ZNF106: variants seen among roughly 807,000 people sequenced by gnomAD.
ZNF106 encodes the protein SH3-domain binding protein 3.
ZNF106 carries 67 observed loss-of-function variants against 195.1 expected under a neutral mutation model. The ratio of observed to expected loss-of-function variants is 0.34; its 90% CI spans 0.28 to 0.42. The LOEUF (loss-of-function observed/expected upper bound fraction) is 0.42. Ranked by LOEUF, ZNF106 falls within the 10% of genes least tolerant of loss-of-function variation. The pLI is 1.00. For missense variants in ZNF106, 2,118 were observed against 2,304.5 expected (o/e 0.92, Z 1.66); for synonymous variants, 784 against 818.6 (o/e 0.96, Z 0.72).
chr15:42,447,866 T>G (rs577697594), intron 6 of ZNF106, among the ~76,000 whole-genome samples: 4 of 152,358 alleles, frequency 2.6e-5, no homozygotes, highest in South Asian at 2.1e-4. Flanking sequence ...TTCCTGGTAC[T>G]GTACATTCAT....
chr15:42,482,149 T>C (rs1000809868), intron 1 of ZNF106, among the ~76,000 whole-genome samples: 2 of 152,222 alleles, frequency 1.3e-5, no homozygotes, highest in Admixed American at 1.3e-4. Flanking sequence ...CTAGAATGTC[T>C]ATTTAGTTAT....
intron 3 of ZNF106, among the ~76,000 whole-genome samples, chr15:42,464,272 G>C (rs1009683300): frequency 8.1e-5 from 12 of 148,794 alleles, no homozygotes; most frequent in African/African-American, 2.9e-4. Flanking sequence ...CCCGGGAGGC[G>C]GAGGTTGCAG....
Position 42,482,268 on chromosome 15 carries a change from C to T in ZNF106, c.-33+8712G>A, listed in dbSNP as rs189077269. On this transcript the variant is annotated intron_variant, in intron 1 of 21. Transcript: ENST00000564754. The stretch of plus-strand genomic sequence containing the variant: ...TAAAATCATTTCCTGCTAATCCCAA[C>T]GTTTAAGCATTTTAAGGTCACTCTC... Among the ~76,000 whole-genome samples the T allele has an allele frequency of 1.1e-3, 166 of 152,174 alleles. 2 individuals are homozygous for T. Among genetic ancestry groups the T allele is most frequent in the South Asian group, 2.3e-3 (11 of 4,832 alleles).
rs1459440894 is a variant in ZNF106, at chr15:42,413,700, C to T, written c.*3604G>A. 6.6e-6 allele frequency: 1 copy of T among 152,564 alleles called. No homozygotes were observed. The highest frequency in any genetic ancestry group is 1.5e-5 in the Non-Finnish European group (1 of 68,030). 9.5% of individuals were successfully genotyped at this position (152,564 alleles called of 1,614,324 possible). On this transcript the variant is annotated 3_prime_UTR_variant, in exon 22 of 22. Transcript: ENST00000564754. ...CACTTAAACAGTAATAATATTGCCT[C>T]TAAATTAAAGGTAAGTCAGGAGCTG...
At position 42,415,050 on chromosome 15, in the gene ZNF106, G is replaced by A. The variant is rs1166389615; in HGVS notation, c.*2254C>T. The A allele has an allele frequency of 6.5e-6, 1 of 153,550 alleles. No individual in the cohort carries two copies. The highest frequency in any genetic ancestry group is 1.4e-5 in the Non-Finnish European group (1 of 69,162). The allele number at this position is 153,550 out of a possible 1,614,324, so 9.5% of individuals were successfully genotyped here. ...TGGTTAACAAAATGGCTTTCCCCAAGGACAGAAGTCAAGAGCTTGTGGGGC... is the reference window on the plus strand; with the variant it reads ...TGGTTAACAAAATGGCTTTCCCCAAAGACAGAAGTCAAGAGCTTGTGGGGC... On this transcript the variant is annotated 3_prime_UTR_variant, in exon 22 of 22. Transcript: ENST00000564754.
chr15:42,426,465 T>C (rs1220346881), intron 15 of ZNF106, among the ~76,000 whole-genome samples: 2 of 151,698 alleles, frequency 1.3e-5, no homozygotes, highest in East Asian at 1.9e-4. Flanking sequence ...AATGGTGTGA[T>C]TATAGCTCAC....
At chr15:42,460,540 G>A (rs1261823914) in intron 3 of ZNF106, among the ~76,000 whole-genome samples, 2 of 152,160 alleles carry the variant, frequency 1.3e-5, no homozygotes, top group Non-Finnish European at 2.9e-5. Context: ...CAGAGACCCT[G>A]CCCAGAAGGG....
At chr15:42,417,707 C>G in intron 21 of ZNF106, 98 bp downstream of exon 21, 1 of 1,372,532 alleles carries the variant, frequency 7.3e-7, no homozygotes, top group Non-Finnish European at 9.7e-7. Context: ...CTAGGCCCTC[C>G]CTATATATGG....
intron 6 of ZNF106, 124 bp from the exon 7 acceptor site, chr15:42,446,782 G>T: frequency 1.2e-6 from 1 of 818,138 alleles, no homozygotes; most frequent in Non-Finnish European, 1.9e-6. Flanking sequence ...TCTCTAACAT[G>T]ATCGTAGAAG....
intron 1 of ZNF106, among the ~76,000 whole-genome samples, chr15:42,480,284 C>T (rs959081502): frequency 6.6e-6 from 1 of 152,226 alleles, no homozygotes; most frequent in East Asian, 1.9e-4. Context: ...CATGAACTGA[C>T]CTTTTATTGT....
At chr15:42,479,908 G>A (rs1025912917) in intron 1 of ZNF106, among the ~76,000 whole-genome samples, 1 of 152,158 alleles carries the variant, frequency 6.6e-6, no homozygotes. Flanking sequence ...GGAGTGCCAT[G>A]ACACAAACAT....
At chr15:42,420,073 T>C (rs564836712) in intron 20 of ZNF106, among the ~76,000 whole-genome samples, 2 of 152,374 alleles carry the variant, frequency 1.3e-5, no homozygotes, top group African/African-American at 4.8e-5. Flanking sequence ...ATTAACTCTA[T>C]TTGTGTACTC....
chr15:42,418,756 C>T (rs1449737734), intron 20 of ZNF106, among the ~76,000 whole-genome samples: 1 of 151,994 alleles, frequency 6.6e-6, no homozygotes, highest in African/African-American at 2.4e-5. Flanking sequence ...AAGAAAACTA[C>T]ATTTGTGGAA....
Position 42,450,462 on chromosome 15 carries a change from A to G in ZNF106, c.1810T>C (p.Phe604Leu), listed in dbSNP as rs755322795. The change falls in exon 5 of 22, where the codon TTT (phenylalanine) becomes CTT (leucine). Residue 604 changes from phenylalanine (F) to leucine (L), a missense_variant. By Grantham distance (22) the Phe-to-Leu change is conservative. Coordinates refer to ENST00000564754, the MANE Select transcript of ZNF106 (RefSeq NM_001366845.3). ...TCATCTTCTAGTGCGTGCACTTGAA[A>G]CTCAATTTTCAAAGACCCTTTTTCA... ...ESEKGSLKIEFQVHALEDESD... is the reference protein window; with the variant it reads ...ESEKGSLKIELQVHALEDESD... The G allele has an allele frequency of 1.9e-6, 3 of 1,614,092 alleles. No homozygotes were observed. The South Asian group carries it at 3.3e-5, about 18-fold the overall frequency.
intron 1 of ZNF106, among the ~76,000 whole-genome samples, chr15:42,483,142 G>A (rs1157770913): frequency 6.6e-6 from 1 of 151,946 alleles, no homozygotes; most frequent in African/African-American, 2.4e-5. Flanking sequence ...TCCCATTCTT[G>A]TGTTAACTCC....
chr15:42,466,540 C>T (rs2617235), intron 2 of ZNF106, among the ~76,000 whole-genome samples: 95,543 of 152,064 alleles, frequency 0.63, 32,593 homozygotes, highest in East Asian at 0.81. Context: ...TCTTACTTTA[C>T]CCATGTCTTG....
At chr15:42,461,209 GT>G (rs2056385245) in intron 3 of ZNF106, among the ~76,000 whole-genome samples, 1 of 152,278 alleles carries the variant, frequency 6.6e-6, no homozygotes, top group East Asian at 1.9e-4. Flanking sequence ...GGGAAACCAT[GT>G]TTTAAAAGCC....
Position 42,428,106 on chromosome 15 carries a change from A to G in ZNF106, c.4910T>C (p.Leu1637Pro). 6.2e-7 allele frequency: 1 copy of G among 1,614,108 alleles called. No homozygotes were observed. The highest frequency in any genetic ancestry group is 8.5e-7 in the Non-Finnish European group (1 of 1,179,976). ...GTGGAGGCAGAGGACCCGGTCTTCC[A>G]GCTGTAACTGCTCCACACACTCTCG... Reference protein sequence around the residue: ...KSRECVEQLQLEDRVLCLHSR... With the variant: ...KSRECVEQLQPEDRVLCLHSR... Residue 1637 changes from leucine (L) to proline (P), a missense_variant, in exon 15 of 22, where the codon CTG (leucine) becomes CCG (proline). By Grantham distance (98) the Leu-to-Pro change is moderately conservative. Coordinates refer to ENST00000564754, the MANE Select transcript of ZNF106 (RefSeq NM_001366845.3).
At chr15:42,426,397 T>G (rs186367841) in intron 15 of ZNF106, among the ~76,000 whole-genome samples, 174 of 137,704 alleles carry the variant, frequency 1.3e-3, no homozygotes, top group Non-Finnish European at 1.8e-3. Context: ...GTCTACTACT[T>G]AAAAAAAAAA....
Sources: gnomAD v4.1 joint callset for allele counts (sites outside exome capture counted in the v4.1 genomes callset) on GRCh38, gnomAD v4.1.1 for gene constraint, MANE v1.5 for transcripts, NCBI Gene and HGNC (gene_info 2026-07-23, HGNC 2026-07-21) for gene names.